Variants in MCF2L observed in about 807,000 individuals in gnomAD.
MCF2L encodes the protein guanine nucleotide exchange factor DBS.
In MCF2L, 97 loss-of-function variants were observed where a neutral mutation model predicts 153.4. That is an observed-to-expected ratio of 0.63 (90% CI 0.54 to 0.75). The LOEUF (loss-of-function observed/expected upper bound fraction) is 0.75, where lower values mean the gene tolerates loss of function less well. Ranked by LOEUF, MCF2L falls within the 30% of genes least tolerant of loss-of-function variation. MCF2L has a pLI of 0.00. For synonymous variants in MCF2L, 659 were observed against 632.2 expected (o/e 1.04, Z -0.64); for missense variants, 1,347 against 1,495.2 (o/e 0.90, Z 1.64).
rs527780065 is a variant in MCF2L, at chr13:112,940,636, C to T, written c.169+38265C>T. On this transcript the variant is annotated intron_variant, in intron 2 of 29. Coordinates refer to the MCF2L transcript ENST00000375608. ...GAATATGAATCTTTTCGTAAATGTA[C>T]GTGTACATTTCAATCAGTTTTTGCA... Among the ~76,000 whole-genome samples, 353 of 152,330 alleles carry T rather than the reference C, an allele frequency of 2.3e-3. 2 individuals carry two copies. Among genetic ancestry groups the T allele is most frequent in the Middle Eastern group, 3.4e-3 (1 of 294 alleles).
rs528066111 is a variant in MCF2L, at chr13:112,963,217, G to A, written c.170-51546G>A. Reference sequence around the variant, plus strand: ...GCAGGGAATGCCGCTGTCTCTTCACGTCCTCCTCCCAAACTGGGGCCCAGG... The same window carrying A: ...GCAGGGAATGCCGCTGTCTCTTCACATCCTCCTCCCAAACTGGGGCCCAGG... On this transcript the variant is annotated intron_variant, in intron 2 of 29. Transcript: ENST00000375608. Among the ~76,000 whole-genome samples, 57 of 152,296 alleles carry A rather than the reference G, an allele frequency of 3.7e-4. 1 individual carries two copies. Among genetic ancestry groups the A allele is most frequent in the African/African-American group, 1.3e-3 (53 of 41,566 alleles).
At chr13:112,964,464 A>G (rs182382990), upstream of MCF2L, among the ~76,000 whole-genome samples, 1 of 152,386 alleles carries the variant, frequency 6.6e-6, no homozygotes, top group Non-Finnish European at 1.5e-5. Context: ...GTGTCTGCTC[A>G]TGTGGATGCA....
intron 1 of MCF2L, among the ~76,000 whole-genome samples, chr13:112,971,414 G>T (rs544483804): frequency 1.4e-3 from 209 of 152,304 alleles, no homozygotes; most frequent in South Asian, 2.5e-3. Context: ...CTGATGTGGC[G>T]GCTGGTGTAG....
chr13:113,031,084 CAGACAG>C lies in MCF2L; in HGVS notation c.278+6342_278+6347del, dbSNP rs1178067354. Among the ~76,000 whole-genome samples the C allele has an allele frequency of 3.1e-4, 36 of 115,974 alleles. No individual in the cohort carries two copies. Among genetic ancestry groups the C allele is most frequent in the African/African-American group, 7.0e-4 (19 of 27,190 alleles). 76.1% of individuals were successfully genotyped at this position (115,974 alleles called of 152,430 possible). On this transcript the variant is annotated intron_variant, in intron 3 of 29. Transcript: ENST00000535094. This position sits in a 1 kb window ranked among gnomAD's most constrained non-coding sequence, Gnocchi z 5.5. ...ACAGAGAGACAGAGACAGACAGATA[CAGACAG>C]AGACAGAGACAGAGAGAGACAGAGA...
chr13:112,972,973 G>A (rs2082102514), intron 1 of MCF2L, among the ~76,000 whole-genome samples: 2 of 151,658 alleles, frequency 1.3e-5, no homozygotes, highest in African/African-American at 4.8e-5. Context: ...GGGGGATGAG[G>A]GGGCTTCCCA....
intron 2 of MCF2L, among the ~76,000 whole-genome samples, chr13:113,020,218 A>T (rs571083688): frequency 1.3e-5 from 2 of 152,336 alleles, no homozygotes; most frequent in South Asian, 2.1e-4. Context: ...AACCACTGGA[A>T]TGCTTTCATT....
intron 1 of MCF2L, among the ~76,000 whole-genome samples, chr13:112,997,962 C>T (rs1289717246): frequency 6.6e-6 from 1 of 152,218 alleles, no homozygotes; most frequent in Non-Finnish European, 1.5e-5. Context: ...GGCCTGCCCG[C>T]AGCAGCAGCT....
In MCF2L at chr13:113,081,330, A is replaced by G. The variant is rs973982160; in HGVS notation, c.1875+51A>G. On this transcript the variant is annotated intron_variant, in intron 16 of 29. Transcript: ENST00000535094. ...ACTGCCACGGGGACTCCCCTGGGCC[A>G]GCTGGTGGGGCTTCCTCTGACAACT... The G allele has an allele frequency of 4.6e-6, 7 of 1,512,824 alleles. No homozygotes were observed. In the Admixed American group the frequency reaches 1.4e-4, roughly 30 times the overall value. 93.7% of individuals were successfully genotyped at this position (1,512,824 alleles called of 1,614,324 possible). A position where few individuals can be genotyped will look rare whatever the true frequency, so the allele number is the denominator to read the frequency against.
At chr13:112,989,368 A>C (rs9577412) in intron 1 of MCF2L, among the ~76,000 whole-genome samples, 36,061 of 39,420 alleles carry the variant, frequency 0.91, 16,548 homozygotes, top group Non-Finnish European at 0.97. Context: ...CTACCACGCC[A>C]GAGTCCTCCC....
At chr13:112,957,542 G>A (rs1057336735) in intron 2 of MCF2L, 2 of 151,962 alleles carry the variant, frequency 1.3e-5, no homozygotes, top group African/African-American at 4.8e-5. Context: ...CTCCTCGCCA[G>A]ATAGACGCCA....
intron 1 of MCF2L, among the ~76,000 whole-genome samples, chr13:113,006,029 C>T (rs532792432): frequency 2.0e-5 from 3 of 152,306 alleles, no homozygotes; most frequent in Admixed American, 6.5e-5. Context: ...CAACATCTTC[C>T]GTGACTCTGG....
intron 2 of MCF2L, among the ~76,000 whole-genome samples, chr13:112,933,877 C>T (rs575618920): frequency 2.6e-4 from 40 of 152,344 alleles, no homozygotes; most frequent in Admixed American, 4.6e-4. Context: ...GAGGAAAGGC[C>T]GCTCAGCTGG....
intron 4 of MCF2L, among the ~76,000 whole-genome samples, chr13:113,052,304 C>G (rs963933725): frequency 2.0e-5 from 3 of 152,276 alleles, no homozygotes; most frequent in Admixed American, 1.3e-4. Flanking sequence ...GGAAGGAGCC[C>G]GGGGGTCCCT....
chr13:112,960,253 G>A lies in MCF2L; in HGVS notation c.170-54510G>A, dbSNP rs137953632. Among the ~76,000 whole-genome samples the A allele has an allele frequency of 3.3e-5, 5 of 152,282 alleles. No individual in the cohort carries two copies. The highest frequency in any genetic ancestry group is 4.8e-5 in the African/African-American group (2 of 41,544). ...CCTGAGCTGCGTCTTTCCAAGAGACGGCCTCACCCGGTGAGAGAGCGGAGA... is the reference window on the plus strand; with the variant it reads ...CCTGAGCTGCGTCTTTCCAAGAGACAGCCTCACCCGGTGAGAGAGCGGAGA... On this transcript the variant is annotated intron_variant, in intron 2 of 29. Coordinates refer to the MCF2L transcript ENST00000375608. The surrounding 1 kb of genome is among the most constrained non-coding windows in gnomAD (Gnocchi z 4.2).
At chr13:113,023,759 T>G (rs1172100338) in intron 2 of MCF2L, among the ~76,000 whole-genome samples, 2 of 152,146 alleles carry the variant, frequency 1.3e-5, no homozygotes, top group African/African-American at 4.8e-5. Flanking sequence ...TGTCCTCTGC[T>G]CAGCTGTGTC....
In MCF2L at chr13:112,904,388, A is replaced by C. The variant is rs1310378731; in HGVS notation, c.169+2017A>C. On this transcript the variant is annotated intron_variant, in intron 2 of 29. Coordinates refer to the MCF2L transcript ENST00000375608. This position sits in a 1 kb window ranked among gnomAD's most constrained non-coding sequence, Gnocchi z 4.2. Reference sequence around the variant, plus strand: ...TCTGGCTTTGTTCCTGCCCCTGCTGACCCCACAAGCTTGGGTGGGTTGAGA... The same window carrying C: ...TCTGGCTTTGTTCCTGCCCCTGCTGCCCCCACAAGCTTGGGTGGGTTGAGA... 6.6e-6 allele frequency among the ~76,000 whole-genome samples: 1 copy of C among 152,030 alleles called. No homozygotes were observed. The highest frequency in any genetic ancestry group is 1.5e-5 in the Non-Finnish European group (1 of 68,004).
intron 2 of MCF2L, among the ~76,000 whole-genome samples, chr13:112,931,256 G>A (rs908369345): frequency 6.6e-6 from 1 of 152,204 alleles, no homozygotes; most frequent in South Asian, 2.1e-4. Flanking sequence ...GTGCTGACCT[G>A]CGTGACTCTG....
At chr13:113,059,623 C>T (rs1415996506) in intron 4 of MCF2L, among the ~76,000 whole-genome samples, 5 of 152,268 alleles carry the variant, frequency 3.3e-5, no homozygotes, top group South Asian at 2.1e-4. Context: ...GGCTTTTGAG[C>T]GCTTCCTTGG....
At chr13:112,898,997 C>G (rs2081094917) in intron 1 of MCF2L, among the ~76,000 whole-genome samples, 1 of 152,248 alleles carries the variant, frequency 6.6e-6, no homozygotes, top group South Asian at 2.1e-4. Context: ...CATGCCGGGT[C>G]TGCCCCCGCT....
Sources: gnomAD v4.1 joint callset for allele counts (sites outside exome capture counted in the v4.1 genomes callset) on GRCh38, gnomAD v4.1.1 for gene constraint, Gnocchi (gnomAD v3.1) non-coding constraint, MANE v1.5 for transcripts, NCBI Gene and HGNC (gene_info 2026-07-23, HGNC 2026-07-21) for gene names.